The following ASH1L variants were observed in gnomAD, a reference collection of about 807,000 sequenced individuals.
ASH1L encodes ASH1 like histone lysine methyltransferase.
A neutral mutation model predicts 269.0 loss-of-function variants in ASH1L; 23 were observed. That is an observed-to-expected ratio of 0.09 (90% CI 0.06 to 0.12). The LOEUF is 0.12. ASH1L is among the 10% of genes least tolerant of loss of function. The probability of loss-of-function intolerance (pLI) is 1.00; values close to 1 mark genes in which losing one functional copy is unlikely to be tolerated. For synonymous variants in ASH1L, 1,187 were observed against 1,253.5 expected (o/e 0.95, Z 1.12); for missense variants, 2,912 against 3,567.8 (o/e 0.82, Z 4.68).
At chr1:155,554,063 A>G (rs961173338) in intron 1 of ASH1L, among the ~76,000 whole-genome samples, 29 of 149,514 alleles carry the variant, frequency 1.9e-4, no homozygotes, top group Non-Finnish European at 3.9e-4. Context: ...TCAAAGTGTA[A>G]GCCACTGCGC....
intron 22 of ASH1L, 118 bp downstream of exon 22, chr1:155,344,063 CTT>C (rs1653027196): frequency 3.5e-6 from 3 of 848,330 alleles, no homozygotes; most frequent in African/African-American, 3.4e-5. Flanking sequence ...GATATAAAAA[CTT>C]ATATTCTATT....
Position 155,562,333 on chromosome 1 carries a change from A to G in ASH1L, c.-280T>C, listed in dbSNP as rs751660548. ...CGAGAGAGGAGAAGGGAAAGGTGGA[A>G]GGCTAAAGGGGGCAAACTGAGGGGA... On this transcript the variant is annotated 5_prime_UTR_variant, in exon 1 of 28. Transcript: ENST00000392403. 215 of 1,568,340 alleles carry G rather than the reference A, an allele frequency of 1.4e-4. No individual in the cohort carries two copies. Among genetic ancestry groups the G allele is most frequent in the Admixed American group, 2.1e-4 (12 of 56,722 alleles).
intron 3 of ASH1L, among the ~76,000 whole-genome samples, chr1:155,463,702 G>A (rs1369859748): frequency 6.6e-6 from 1 of 152,090 alleles, no homozygotes; most frequent in Non-Finnish European, 1.5e-5. Context: ...GGCTGAAGTG[G>A]GAAGATCGCT....
intron 6 of ASH1L, among the ~76,000 whole-genome samples, chr1:155,412,175 G>A (rs1571142195): frequency 6.6e-6 from 1 of 151,858 alleles, no homozygotes; most frequent in East Asian, 1.9e-4. Flanking sequence ...CCAGGAGGTG[G>A]AGGTTGCAGT....
At chr1:155,423,200 C>T (rs1258168004) in intron 5 of ASH1L, among the ~76,000 whole-genome samples, 3 of 151,740 alleles carry the variant, frequency 2.0e-5, no homozygotes, top group African/African-American at 4.8e-5. Flanking sequence ...CTACCCACCT[C>T]GGCCTCCCAA....
At chr1:155,438,238 T>C in intron 5 of ASH1L, 89 bp downstream of exon 5, 1 of 1,321,450 alleles carries the variant, frequency 7.6e-7, no homozygotes, top group South Asian at 1.5e-5. Context: ...TGAAAGGTTA[T>C]AAGATGAAAT....
intron 2 of ASH1L, among the ~76,000 whole-genome samples, chr1:155,500,148 G>A (rs1667411455): frequency 6.6e-6 from 1 of 152,216 alleles, no homozygotes; most frequent in Non-Finnish European, 1.5e-5. Context: ...GGGAGCTCAT[G>A]CTTCCGTAAT....
At position 155,527,791 on chromosome 1, in the gene ASH1L, C is replaced by T. The variant is rs577579084; in HGVS notation, c.-99-6173G>A. On this transcript the variant is annotated intron_variant, in intron 1 of 27. Coordinates refer to ENST00000392403, the MANE Select transcript of ASH1L (RefSeq NM_018489.3). ...CAAGTCCTGGCCTCAAGCAATCCTCCGACCTCAGACTCCCGAGTAGCTGGG... is the reference window on the plus strand; with the variant it reads ...CAAGTCCTGGCCTCAAGCAATCCTCTGACCTCAGACTCCCGAGTAGCTGGG... Among the ~76,000 whole-genome samples the T allele has an allele frequency of 2.4e-3, 364 of 152,184 alleles. 1 individual carries two copies. Among genetic ancestry groups the T allele is most frequent in the African/African-American group, 8.3e-3 (344 of 41,524 alleles).
chr1:155,552,632 C>T (rs1252485082), intron 1 of ASH1L, among the ~76,000 whole-genome samples: 3 of 151,794 alleles, frequency 2.0e-5, no homozygotes, highest in Admixed American at 6.6e-5. Flanking sequence ...GACAACAGAG[C>T]GAGACCCTGA....
At chr1:155,399,305 T>G (rs778924958) in intron 6 of ASH1L, among the ~76,000 whole-genome samples, 5 of 152,204 alleles carry the variant, frequency 3.3e-5, no homozygotes, top group Non-Finnish European at 7.3e-5. Context: ...CAAGTATGTA[T>G]GTAGATATCT....
chr1:155,455,513 T>C (rs971493241), intron 4 of ASH1L, among the ~76,000 whole-genome samples: 1 of 152,222 alleles, frequency 6.6e-6, no homozygotes, highest in African/African-American at 2.4e-5. Context: ...CTCAGTTTAC[T>C]AAACAGATGG....
intron 4 of ASH1L, among the ~76,000 whole-genome samples, chr1:155,452,228 G>A (rs966574998): frequency 7.9e-5 from 12 of 151,672 alleles, no homozygotes; most frequent in Non-Finnish European, 1.0e-4. Flanking sequence ...TAGTAGAGAC[G>A]GGGTTTTGCC....
chr1:155,475,115 T>G (rs1004113622), intron 3 of ASH1L, among the ~76,000 whole-genome samples: 3 of 152,170 alleles, frequency 2.0e-5, no homozygotes, highest in African/African-American at 7.2e-5. Context: ...CCTTCCCAAC[T>G]GAGAATCTTA....
intron 17 of ASH1L, 142 bp downstream of exon 17, chr1:155,352,564 G>A: frequency 1.4e-6 from 1 of 713,428 alleles, no homozygotes; most frequent in Middle Eastern, 4.5e-4. Flanking sequence ...CAGCACTTTG[G>A]GAGGCCTAGA....
At chr1:155,539,458 T>C (rs866080675) in intron 1 of ASH1L, among the ~76,000 whole-genome samples, 26 of 151,680 alleles carry the variant, frequency 1.7e-4, no homozygotes, top group Non-Finnish European at 3.7e-4. Flanking sequence ...TATATATATA[T>C]TTTGTTCTTG....
intron 10 of ASH1L, among the ~76,000 whole-genome samples, chr1:155,373,061 A>T (rs1656111797): frequency 1.3e-5 from 2 of 151,894 alleles, no homozygotes; most frequent in African/African-American, 4.8e-5. Flanking sequence ...AAAAATACAA[A>T]AATTAGCTGG....
intron 1 of ASH1L, among the ~76,000 whole-genome samples, chr1:155,531,752 T>C (rs904008190): frequency 6.6e-6 from 1 of 152,176 alleles, no homozygotes. Context: ...TCCATTTAGG[T>C]AGTAAAACTG....
rs1036944058 is a variant in ASH1L at position 155,547,278 on chromosome 1, TA to T, written c.-100+14874del. Among the ~76,000 whole-genome samples, 1,159 of 143,030 alleles carry T rather than the reference TA, an allele frequency of 8.1e-3. 9 individuals are homozygous for T. Among genetic ancestry groups the T allele is most frequent in the African/African-American group, 0.022 (852 of 39,172 alleles). The allele number at this position is 143,030 out of a possible 152,430, so 93.8% of individuals were successfully genotyped here. ...ATGACTACTCACCACAACTACCATT[TA>T]AAAAAAAAAAAAGTTAAAATCCTCT... is the stretch of plus-strand genomic sequence containing the variant. On this transcript the variant is annotated intron_variant, in intron 1 of 27. Transcript: ENST00000392403.
intron 2 of ASH1L, among the ~76,000 whole-genome samples, chr1:155,506,308 T>C (rs1667811993): frequency 1.3e-5 from 2 of 152,194 alleles, no homozygotes; most frequent in African/African-American, 2.4e-5. Context: ...TTCAAAATAA[T>C]TGGAACTTGT....
Sources: gnomAD v4.1 joint callset for allele counts (sites outside exome capture counted in the v4.1 genomes callset) on GRCh38, gnomAD v4.1.1 for gene constraint, MANE v1.5 for transcripts, NCBI Gene and HGNC (gene_info 2026-07-23, HGNC 2026-07-21) for gene names.